EPB41L2: variants seen among roughly 807,000 people sequenced by gnomAD.
The protein encoded by EPB41L2 is erythrocyte membrane protein band 4.1 like 2, also known as band 4.1-like protein 2.
EPB41L2 carries 43 observed loss-of-function variants against 113.0 expected under a neutral mutation model. The observed-to-expected ratio is 0.38, with a 90% CI of 0.30 to 0.49. The LOEUF (loss-of-function observed/expected upper bound fraction) is 0.49. Among genes scored for constraint, EPB41L2 ranks in the 20% least tolerant of loss-of-function variants. The probability of loss-of-function intolerance (pLI) is 0.95; values close to 1 mark genes in which losing one functional copy is unlikely to be tolerated. For missense variants in EPB41L2, 1,147 were observed against 1,223.4 expected, an observed-to-expected ratio of 0.94 and a Z score of 0.93; for synonymous variants, 442 against 436.7, an observed-to-expected ratio of 1.01 and a Z score of -0.15.
chr6:130,913,474 G>A (rs1800040814), intron 4 of EPB41L2, among the ~76,000 whole-genome samples: 2 of 152,096 alleles, frequency 1.3e-5, no homozygotes, highest in South Asian at 4.2e-4. Flanking sequence ...GCAAGGGCTG[G>A]AACAGACCAT....
intron 1 of EPB41L2, among the ~76,000 whole-genome samples, chr6:130,974,303 A>C (rs76639096): frequency 1.3e-5 from 2 of 152,162 alleles, no homozygotes; most frequent in East Asian, 3.9e-4. Context: ...CTTACCAGAA[A>C]TTCTACAACT....
At chr6:130,920,831 A>ATCCTTCACCTACTTGCTTTTAAG (rs1802648038) in intron 4 of EPB41L2, among the ~76,000 whole-genome samples, 1 of 151,828 alleles carries the variant, frequency 6.6e-6, no homozygotes, top group African/African-American at 2.4e-5. Flanking sequence ...TTACTTTTAA[A>ATCCTTCACCTACTTGCTTTTAAG]TTTCTTCATC....
chr6:131,056,236 C>T (rs1797562417), intron 1 of EPB41L2, among the ~76,000 whole-genome samples: 1 of 152,132 alleles, frequency 6.6e-6, no homozygotes, highest in South Asian at 2.1e-4. Flanking sequence ...AACAAAAATT[C>T]TACTCACTAA....
chr6:130,907,021 G>A (rs1256847939), intron 5 of EPB41L2, among the ~76,000 whole-genome samples: 5 of 152,064 alleles, frequency 3.3e-5, no homozygotes, highest in South Asian at 2.1e-4. Flanking sequence ...TTCATAATCG[G>A]CAAGAGGTTT....
chr6:130,938,472 C>T (rs1206193975), intron 3 of EPB41L2, among the ~76,000 whole-genome samples: 1 of 152,114 alleles, frequency 6.6e-6, no homozygotes, highest in East Asian at 1.9e-4. Context: ...ATTTAAAACA[C>T]ACATACACAA....
intron 1 of EPB41L2, among the ~76,000 whole-genome samples, chr6:131,033,190 A>G (rs1397472784): frequency 1.3e-5 from 2 of 152,136 alleles, no homozygotes; most frequent in Non-Finnish European, 2.9e-5. Context: ...GCTATGATTT[A>G]AAAAAGAAAA....
At chr6:130,847,878 C>T (rs1777510044) in intron 19 of EPB41L2, among the ~76,000 whole-genome samples, 1 of 152,096 alleles carries the variant, frequency 6.6e-6, no homozygotes, top group Non-Finnish European at 1.5e-5. Context: ...AACAAATGAA[C>T]TATGGTCAGG....
chr6:130,932,792 A>G (rs1293040298), intron 3 of EPB41L2, among the ~76,000 whole-genome samples: 1 of 152,268 alleles, frequency 6.6e-6, no homozygotes, highest in Non-Finnish European at 1.5e-5. Flanking sequence ...CTAGTAGGCC[A>G]AAAGATAGCT....
intron 6 of EPB41L2, 61 bp from the exon 7 acceptor site, chr6:130,901,241 C>G: frequency 2.0e-6 from 3 of 1,474,180 alleles, no homozygotes; most frequent in Non-Finnish European, 2.8e-6. Context: ...TTGGAGCACT[C>G]ACAGTCCTTA....
chr6:130,992,918 C>G (rs1299289837), intron 1 of EPB41L2, among the ~76,000 whole-genome samples: 1 of 152,204 alleles, frequency 6.6e-6, no homozygotes, highest in Non-Finnish European at 1.5e-5. Context: ...GCCACCGCAC[C>G]CAGCCCCAAT....
intron 1 of EPB41L2, among the ~76,000 whole-genome samples, chr6:131,031,990 A>G (rs1270984140): frequency 1.3e-5 from 2 of 152,236 alleles, no homozygotes; most frequent in Non-Finnish European, 2.9e-5. Flanking sequence ...TAAACTATAC[A>G]GCAAATTTCA....
intron 3 of EPB41L2, among the ~76,000 whole-genome samples, chr6:130,933,952 C>T (rs751512625): frequency 8.5e-5 from 13 of 152,064 alleles, no homozygotes; most frequent in African/African-American, 2.9e-4. Flanking sequence ...GCTGAGGAGA[C>T]GATGATGGGA....
chr6:131,053,197 G>A (rs1001543798), intron 1 of EPB41L2, among the ~76,000 whole-genome samples: 2 of 151,406 alleles, frequency 1.3e-5, no homozygotes, highest in Middle Eastern at 3.2e-3. Context: ...TGCCCAGCAA[G>A]TAAATTTTAA....
At chr6:130,948,790 AGGTATTATATGAT>A (rs1813812634) in intron 3 of EPB41L2, among the ~76,000 whole-genome samples, 1 of 152,178 alleles carries the variant, frequency 6.6e-6, no homozygotes, top group Non-Finnish European at 1.5e-5. Flanking sequence ...ATAAATTTCA[AGGTATTATATGAT>A]GGTAAAAAAA....
At chr6:130,996,130 G>A (rs911621037) in intron 1 of EPB41L2, among the ~76,000 whole-genome samples, 1 of 152,128 alleles carries the variant, frequency 6.6e-6, no homozygotes, top group Non-Finnish European at 1.5e-5. Context: ...ATACCCCTTA[G>A]TTACAAAAGA....
At chr6:131,015,151 A>G (rs914951709) in intron 1 of EPB41L2, 6 of 152,220 alleles carry the variant, frequency 3.9e-5, no homozygotes, top group Non-Finnish European at 8.8e-5. Context: ...ACAAAACAGA[A>G]TATCAAAGAG....
At chr6:130,955,905 T>C in intron 2 of EPB41L2, 89 bp downstream of exon 2, 1 of 1,522,986 alleles carries the variant, frequency 6.6e-7, no homozygotes, top group Non-Finnish European at 8.7e-7. Flanking sequence ...GTACAAGAAA[T>C]CTGGAAATGA....
chr6:130,947,471 G>A (rs1399441668), intron 3 of EPB41L2, among the ~76,000 whole-genome samples: 3 of 152,094 alleles, frequency 2.0e-5, no homozygotes, highest in African/African-American at 7.2e-5. Flanking sequence ...GTAAACAGAT[G>A]GAAACAAATC....
At chr6:131,053,451 A>G (rs909945617) in intron 1 of EPB41L2, among the ~76,000 whole-genome samples, 4 of 150,414 alleles carry the variant, frequency 2.7e-5, no homozygotes, top group African/African-American at 7.3e-5. Flanking sequence ...AAAAAAAAAA[A>G]AAAAAAAAGA....
Sources: gnomAD v4.1 joint callset for allele counts (sites outside exome capture counted in the v4.1 genomes callset) on GRCh38, gnomAD v4.1.1 for gene constraint, MANE v1.5 for transcripts, NCBI Gene and HGNC (gene_info 2026-07-23, HGNC 2026-07-21) for gene names.